The following CCDC39 variants were observed in gnomAD, a reference collection of about 807,000 sequenced individuals.
The protein encoded by CCDC39 is coiled-coil domain 39 molecular ruler complex subunit, also known as coiled-coil domain-containing protein 39.
CCDC39 carries 113 observed loss-of-function variants against 121.0 expected under a neutral mutation model. The ratio of observed to expected loss-of-function variants is 0.93; its 90% CI spans 0.80 to 1.09. The LOEUF is 1.09. CCDC39 is among the 50% of genes least tolerant of loss of function. The pLI, the probability that CCDC39 is intolerant of heterozygous loss-of-function variation, is 0.00. For synonymous variants in CCDC39, 349 were observed against 352.2 expected (o/e 0.99, Z 0.10); for missense variants, 1,063 against 1,074.7 (o/e 0.99, Z 0.15).
intron 14 of CCDC39, among the ~76,000 whole-genome samples, chr3:180,622,798 G>C (rs1442010011): frequency 6.6e-6 from 1 of 151,986 alleles, no homozygotes; most frequent in African/African-American, 2.4e-5. Flanking sequence ...CTGATGTGCT[G>C]TTGGACTCAA....
At chr3:180,617,412 A>G in intron 16 of CCDC39, 1 of 662,868 alleles carries the variant, frequency 1.5e-6, no homozygotes, top group Non-Finnish European at 2.7e-6. Context: ...GTTAACTATA[A>G]AACAGCCTCA....
intron 14 of CCDC39, 131 bp downstream of exon 14, chr3:180,631,338 A>C (rs1464295770): frequency 1.3e-5 from 11 of 828,622 alleles, no homozygotes; most frequent in Non-Finnish European, 2.1e-5. Flanking sequence ...TAATTAAGTG[A>C]AATAGTTGCT....
At chr3:180,669,482 G>T (rs1291062886) in intron 1 of CCDC39, among the ~76,000 whole-genome samples, 2 of 151,982 alleles carry the variant, frequency 1.3e-5, no homozygotes, top group African/African-American at 4.8e-5. Flanking sequence ...CATTTGTTCA[G>T]ATCTTCTTTT....
chr3:180,642,018 C>CA lies in CCDC39; in HGVS notation c.1848dup (p.Val617CysfsTer2), dbSNP rs1416143375. On this transcript the variant is annotated frameshift_variant, in exon 13 of 20. Coordinates refer to ENST00000476379, the MANE Select transcript of CCDC39 (RefSeq NM_181426.2). LOFTEE classifies it high-confidence loss of function. The stretch of plus-strand genomic sequence containing the variant: ...CTTATGTTTTCCCGTTCTTGATCAA[C>CA]ATATCTTATTTGTGACGCAAGCATT... 1.3e-6 allele frequency: 2 copies of CA among 1,595,576 alleles called. No homozygotes were observed. The highest frequency in any genetic ancestry group is 8.5e-7 in the Non-Finnish European group (1 of 1,170,494).
At chr3:180,644,782 A>G (rs1560087630) in intron 11 of CCDC39, among the ~76,000 whole-genome samples, 1 of 152,188 alleles carries the variant, frequency 6.6e-6, no homozygotes, top group East Asian at 1.9e-4. Flanking sequence ...TACATTTTCA[A>G]TACAGATGCA....
In CCDC39 at chr3:180,625,639, C is replaced by T. The variant is rs551945155; in HGVS notation, c.1999-5669G>A. On this transcript the variant is annotated intron_variant, in intron 14 of 19. Transcript: ENST00000476379. Reference sequence around the variant, plus strand: ...TGCTTCTGCTAATTTTTTGAAATTGCTTTCCTAGGAGAGGATTTTCTCCTG... The same window carrying T: ...TGCTTCTGCTAATTTTTTGAAATTGTTTTCCTAGGAGAGGATTTTCTCCTG... Among the ~76,000 whole-genome samples the T allele has an allele frequency of 2.0e-5, 3 of 152,170 alleles. No homozygotes were observed. The South Asian group carries it at 6.2e-4, about 32-fold the overall frequency.
At chr3:180,651,864 C>T (rs892270205) in intron 8 of CCDC39, among the ~76,000 whole-genome samples, 4 of 152,028 alleles carry the variant, frequency 2.6e-5, no homozygotes, top group Admixed American at 6.6e-5. Flanking sequence ...GGTGAAACCC[C>T]GTCTCTAATA....
chr3:180,652,606 C>G (rs1476618670), intron 7 of CCDC39, among the ~76,000 whole-genome samples: 3 of 152,136 alleles, frequency 2.0e-5, no homozygotes, highest in Admixed American at 2.0e-4. Flanking sequence ...ATAAGTTTAA[C>G]TGGATTTGAA....
Position 180,661,923 on chromosome 3 carries a change from C to T in CCDC39, c.295G>A (p.Asp99Asn). ...IAQRELGRVK[D>N]EIQRLENEMA... is the part of the protein sequence containing the mutation. ...TCATTTTCCAGCCGTTGAATTTCAT[C>T]TTTCACTCGTCCCAATTCTCTTTGA... Residue 99 changes from aspartate (D) to asparagine (N), a missense_variant, in exon 3 of 20, where the codon GAT (aspartate) becomes AAT (asparagine). Physicochemically the swap from Asp to Asn is conservative, Grantham distance 23. Coordinates refer to ENST00000476379, the MANE Select transcript of CCDC39 (RefSeq NM_181426.2). 6.3e-7 allele frequency: 1 copy of T among 1,583,438 alleles called. No homozygotes were observed.
At chr3:180,627,077 G>A (rs1717581638) in intron 14 of CCDC39, among the ~76,000 whole-genome samples, 1 of 152,178 alleles carries the variant, frequency 6.6e-6, no homozygotes, top group Non-Finnish European at 1.5e-5. Context: ...GATTTACATG[G>A]GTAGGAAGCT....
chr3:180,616,382 G>C lies in CCDC39; in HGVS notation c.2587-19C>G, dbSNP rs776216749. On this transcript the variant is annotated intron_variant, in intron 18 of 19. Transcript: ENST00000476379. ...ACCCACTCTGGAGGAATATTCAATAGCAATCATTAGTACTACCTACTGTTT... is the reference window on the plus strand; with the variant it reads ...ACCCACTCTGGAGGAATATTCAATACCAATCATTAGTACTACCTACTGTTT... The C allele has an allele frequency of 8.1e-6, 13 of 1,596,586 alleles. No homozygotes were observed. The highest frequency in any genetic ancestry group is 5.1e-5 in the Admixed American group (3 of 59,182).
At chr3:180,616,182 A>G (rs1717230163) in intron 19 of CCDC39, 99 bp downstream of exon 19, 1 of 945,084 alleles carries the variant, frequency 1.1e-6, no homozygotes, top group Admixed American at 1.9e-5. Flanking sequence ...CAGTGAGTGC[A>G]TGGGCCTGCC....
chr3:180,644,289 T>C (rs1204001412), intron 11 of CCDC39, 32 bp from the exon 12 acceptor site: 1 of 1,364,054 alleles, frequency 7.3e-7, no homozygotes, highest in Admixed American at 2.6e-5. Flanking sequence ...TATAAATGTA[T>C]GTTTTAAATA....
At chr3:180,647,025 T>C (rs1718081600) in intron 11 of CCDC39, 54 bp downstream of exon 11, 22 of 1,551,494 alleles carry the variant, frequency 1.4e-5, no homozygotes, top group Non-Finnish European at 1.8e-5. Context: ...CATGTTGTCC[T>C]AAAACAGAAT....
chr3:180,647,864 C>T (rs773575304), intron 10 of CCDC39, among the ~76,000 whole-genome samples: 2 of 151,882 alleles, frequency 1.3e-5, no homozygotes, highest in Non-Finnish European at 2.9e-5. Flanking sequence ...TTCTCGGTTT[C>T]AGATATCTCG....
At chr3:180,669,041 T>C (rs1043550722) in intron 1 of CCDC39, among the ~76,000 whole-genome samples, 2 of 152,238 alleles carry the variant, frequency 1.3e-5, no homozygotes, top group Admixed American at 6.5e-5. Context: ...GAAATGCATG[T>C]TCGTATGTGA....
chr3:180,631,552 T>C lies in CCDC39; in HGVS notation c.1915A>G (p.Lys639Glu), dbSNP rs747597952. 32 of 1,609,154 alleles carry C rather than the reference T, an allele frequency of 2.0e-5. No homozygotes were observed. The South Asian group carries it at 3.5e-4, about 18-fold the overall frequency. Residue 639 changes from lysine to glutamate, a missense_variant, in exon 14 of 20, where the codon AAG becomes GAG. By Grantham distance (56) the Lys-to-Glu change is moderately conservative. Transcript: ENST00000476379. ...ACAGTCAGAATTTCATATCTATTCT[T>C]CAGCTTCTCAATTTTACTTAGCCGC... Reference protein sequence around the residue: ...RERLSKIEKLKNRYEILTVVM... With the variant: ...RERLSKIEKLENRYEILTVVM...
chr3:180,617,668 G>T, intron 16 of CCDC39: 2 of 396,386 alleles, frequency 5.0e-6, no homozygotes, highest in Admixed American at 8.8e-5. Context: ...AGGATATAAA[G>T]AATATTTTTG....
At chr3:180,672,713 T>G (rs1053054899) in intron 1 of CCDC39, among the ~76,000 whole-genome samples, 2 of 152,226 alleles carry the variant, frequency 1.3e-5, no homozygotes, top group Non-Finnish European at 2.9e-5. Flanking sequence ...CTGCAGCCCA[T>G]GGATCAACAA....
Sources: allele counts gnomAD v4.1 joint callset (sites outside exome capture counted in the v4.1 genomes callset), GRCh38; gene constraint gnomAD v4.1.1; transcripts MANE v1.5; gene names NCBI Gene and HGNC (gene_info 2026-07-23, HGNC 2026-07-21).